TACC2: variants seen among roughly 807,000 people sequenced by gnomAD.
The protein encoded by TACC2 is transforming acidic coiled-coil-containing protein 2.
In TACC2, 137 loss-of-function variants were observed where a neutral mutation model predicts 227.3. That is an observed-to-expected ratio of 0.60 (90% CI 0.52 to 0.69). The LOEUF (loss-of-function observed/expected upper bound fraction) is 0.69, where lower values mean the gene tolerates loss of function less well. Among genes scored for constraint, TACC2 ranks in the 30% least tolerant of loss-of-function variants. TACC2 has a pLI of 0.00. For synonymous variants in TACC2, 1,523 were observed against 1,487.5 expected, an observed-to-expected ratio of 1.02 and a Z score of -0.55; for missense variants, 3,470 against 3,694.4, an observed-to-expected ratio of 0.94 and a Z score of 1.57.
chr10:122,155,146 G>C (rs926739098), intron 7 of TACC2, among the ~76,000 whole-genome samples: 1 of 152,162 alleles, frequency 6.6e-6, no homozygotes, highest in African/African-American at 2.4e-5. Context: ...CTGTGCTTTC[G>C]TCTCGGAAGC....
Position 122,237,427 on chromosome 10 carries a change from C to T in TACC2, c.8160C>T (p.Ile2720=). ...REAAHPTDVS[I]SKTALYSRIG... ...CTGCTCACCCAACAGACGTCTCCAT[C>T]TCCAAAACAGCCTTGTACTCCCGCA... is the stretch of plus-strand genomic sequence containing the variant. The change falls in exon 17 of 23, where the codon ATC becomes ATT. Residue 2720 remains isoleucine (I), a synonymous_variant. Transcript: ENST00000369005. 2 of 1,613,940 alleles carry T rather than the reference C, an allele frequency of 1.2e-6. No individual in the cohort carries two copies. The highest frequency in any genetic ancestry group is 1.7e-6 in the Non-Finnish European group (2 of 1,179,898).
At chr10:122,136,545 G>GTGTGTA (rs1555066884) in intron 6 of TACC2, among the ~76,000 whole-genome samples, 3 of 54,960 alleles carry the variant, frequency 5.5e-5, no homozygotes, top group African/African-American at 1.5e-4. Context: ...GTGTGTGTGT[G>GTGTGTA]TATATATATA....
rs771462938 is a variant in TACC2, at chr10:122,254,142, C to G, written c.*86C>G. 1.4e-5 allele frequency: 16 copies of G among 1,150,200 alleles called. No homozygotes were observed. The highest frequency in any genetic ancestry group is 2.0e-5 in the Non-Finnish European group (15 of 756,976). The allele number at this position is 1,150,200 out of a possible 1,614,324, so 71.2% of individuals were successfully genotyped here. A position where few individuals can be genotyped will look rare whatever the true frequency, so the allele number is the denominator to read the frequency against. ...GTTCCTCCAGTTCCATGGACAGGTT[C>G]TGTTTTCACTTTTTCGTATGCACTA... is the stretch of plus-strand genomic sequence containing the variant. On this transcript the variant is annotated 3_prime_UTR_variant, in exon 23 of 23. Transcript: ENST00000369005.
chr10:122,001,810 A>G (rs1392786785), intron 1 of TACC2, among the ~76,000 whole-genome samples: 1 of 151,988 alleles, frequency 6.6e-6, no homozygotes, highest in Non-Finnish European at 1.5e-5. Context: ...CACCATATAT[A>G]CCCTCCAGAA....
chr10:121,991,387 A>G (rs757217927), intron 1 of TACC2, among the ~76,000 whole-genome samples: 2 of 152,242 alleles, frequency 1.3e-5, no homozygotes, highest in Non-Finnish European at 2.9e-5. Flanking sequence ...GCCACATGCT[A>G]GTGATTTTCA....
intron 8 of TACC2, among the ~76,000 whole-genome samples, chr10:122,207,333 T>C (rs956439553): frequency 4.6e-5 from 7 of 151,268 alleles, no homozygotes; most frequent in Admixed American, 2.0e-4. Context: ...CAGGGAGGAC[T>C]TCGAACCCAG....
rs1289411563 is a variant in TACC2, at chr10:122,087,970, GA to G, written c.5459+17del. 1.1e-5 allele frequency: 16 copies of G among 1,492,966 alleles called. No homozygotes were observed. The highest frequency in any genetic ancestry group is 1.4e-5 in the Non-Finnish European group (16 of 1,122,260). The allele number at this position is 1,492,966 out of a possible 1,614,324, so 92.5% of individuals were successfully genotyped here. A position where few individuals can be genotyped will look rare whatever the true frequency, so the allele number is the denominator to read the frequency against. On this transcript the variant is annotated intron_variant, in intron 4 of 22. Coordinates refer to ENST00000369005, the MANE Select transcript of TACC2 (RefSeq NM_206862.4). Reference sequence around the variant, plus strand: ...GCTCCACACTGACAGGTACTTAAATGAAAAAATTCCCACGGGAATGTGTGGT... The same window carrying G: ...GCTCCACACTGACAGGTACTTAAATGAAAAATTCCCACGGGAATGTGTGGT...
At chr10:122,111,446 T>C (rs7089362) in intron 5 of TACC2, among the ~76,000 whole-genome samples, 126,702 of 152,172 alleles carry the variant, frequency 0.83, 53,820 homozygotes, top group East Asian at 0.98. Flanking sequence ...TGGTGGTGAG[T>C]GGTGTATGTT....
chr10:122,229,635 T>C, intron 15 of TACC2, 149 bp downstream of exon 15: 1 of 883,746 alleles, frequency 1.1e-6, no homozygotes, highest in Non-Finnish European at 1.8e-6. Context: ...GGATGGTATA[T>C]GTGACGTTCT....
At chr10:122,190,615 C>T (rs901373306) in intron 7 of TACC2, among the ~76,000 whole-genome samples, 3 of 152,060 alleles carry the variant, frequency 2.0e-5, no homozygotes, top group African/African-American at 7.2e-5. Context: ...TAGATTAATT[C>T]GGTTGGTACA....
chr10:122,239,278 G>C, intron 18 of TACC2, among the ~76,000 whole-genome samples: 1 of 152,134 alleles, frequency 6.6e-6, no homozygotes, highest in East Asian at 1.9e-4. Context: ...CAAAGTTCTG[G>C]GATTACAGGC....
chr10:122,154,364 G>T (rs1215228358), intron 7 of TACC2, among the ~76,000 whole-genome samples: 1 of 152,248 alleles, frequency 6.6e-6, no homozygotes, highest in Non-Finnish European at 1.5e-5. Context: ...CTGCACAGGG[G>T]AAATGCTTAT....
rs1034900244 is a variant in TACC2, at chr10:122,141,901, A to T, written c.5700-1671A>T. On this transcript the variant is annotated intron_variant, in intron 6 of 22. Transcript: ENST00000369005. This position sits in a 1 kb window ranked among gnomAD's most constrained non-coding sequence, Gnocchi z 4.3. ...AGTAGTTTGCGTTTGTAAGTGGTCC[A>T]TTTGCCGATTATGAGTACATGTCAG... Among the ~76,000 whole-genome samples the T allele has an allele frequency of 6.6e-6, 1 of 152,218 alleles. No homozygotes were observed.
intron 9 of TACC2, 72 bp downstream of exon 9, chr10:122,211,780 C>A: frequency 1.5e-6 from 2 of 1,359,832 alleles, no homozygotes; most frequent in Non-Finnish European, 2.0e-6. Flanking sequence ...TGGTCATGTG[C>A]CTGGATAACC....
chr10:122,042,807 C>T (rs2074468399), intron 2 of TACC2, among the ~76,000 whole-genome samples: 1 of 152,190 alleles, frequency 6.6e-6, no homozygotes, highest in Non-Finnish European at 1.5e-5. Flanking sequence ...TTGTACTCAG[C>T]TTCCTGCCTG....
chr10:122,241,870 G>A, intron 18 of TACC2, 88 bp from the exon 19 acceptor site: 1 of 1,286,248 alleles, frequency 7.8e-7, no homozygotes, highest in Non-Finnish European at 1.1e-6. Context: ...GGCCCTGCTG[G>A]ACATGGGTCA....
chr10:122,094,001 T>G (rs538999869), intron 5 of TACC2, among the ~76,000 whole-genome samples: 1 of 152,300 alleles, frequency 6.6e-6, no homozygotes, highest in East Asian at 1.9e-4. Context: ...TGTTTCTGTC[T>G]GTCAAGCTGG....
chr10:122,204,075 G>C (rs2095008732), intron 8 of TACC2, among the ~76,000 whole-genome samples: 1 of 150,998 alleles, frequency 6.6e-6, no homozygotes, highest in Non-Finnish European at 1.5e-5. Context: ...GGAGAATCAG[G>C]CAGGGAGGTT....
At chr10:122,163,870 G>A in intron 7 of TACC2, 1 of 1,522,988 alleles carries the variant, frequency 6.6e-7, no homozygotes, top group Non-Finnish European at 8.8e-7. Context: ...TGCAGGAATC[G>A]CGCCAGGACG....
Sources: gnomAD v4.1 joint callset for allele counts (sites outside exome capture counted in the v4.1 genomes callset) on GRCh38, gnomAD v4.1.1 for gene constraint, Gnocchi (gnomAD v3.1) non-coding constraint, MANE v1.5 for transcripts, NCBI Gene and HGNC (gene_info 2026-07-23, HGNC 2026-07-21) for gene names.